Variants in ZNF133 observed in about 807,000 individuals in gnomAD.
ZNF133 encodes zinc finger protein 133 (clone pHZ-13).
In ZNF133, 26 loss-of-function variants were observed where a neutral mutation model predicts 54.9. That is an observed-to-expected ratio of 0.47 (90% CI 0.35 to 0.66). ZNF133 has a LOEUF of 0.66. Ranked by LOEUF, ZNF133 falls within the 30% of genes least tolerant of loss-of-function variation. ZNF133 has a pLI of 0.01. For missense variants in ZNF133, 653 were observed against 820.8 expected, an observed-to-expected ratio of 0.80 and a Z score of 2.50; for synonymous variants, 298 against 320.3, an observed-to-expected ratio of 0.93 and a Z score of 0.74.
At position 18,315,243 on chromosome 20, in the gene ZNF133, A is replaced by T; in HGVS notation, c.392A>T (p.Gln131Leu). ...DPGPGDQEKQ[Q>L]QASEGRPWSD... ...GGCCCAGGGGACCAGGAGAAGCAGC[A>T]ACAAGCCTCTGAGGGGAGACCCTGG... The change falls in exon 7 of 7, where the codon CAA becomes CTA. Residue 131 changes from glutamine (Q) to leucine (L), a missense_variant. Gln to Leu is a moderately radical substitution (Grantham distance 113). This residue lies in a region of ZNF133 where 227 missense variants were observed against 233.9 expected (regional missense o/e 0.97). Transcript: ENST00000425686. 1 of 1,614,092 alleles carries T rather than the reference A, an allele frequency of 6.2e-7. No individual in the cohort carries two copies. The highest frequency in any genetic ancestry group is 8.5e-7 in the Non-Finnish European group (1 of 1,179,988).
At position 18,305,560 on chromosome 20, in the gene ZNF133, C is replaced by G; in HGVS notation, c.-6-121C>G. 5.6e-6 allele frequency: 8 copies of G among 1,423,978 alleles called. No homozygotes were observed. Among genetic ancestry groups the G allele is most frequent in the Non-Finnish European group, 7.7e-6 (8 of 1,033,326 alleles). The allele number at this position is 1,423,978 out of a possible 1,614,324, so 88.2% of individuals were successfully genotyped here. A position where few individuals can be genotyped will look rare whatever the true frequency, so the allele number is the denominator to read the frequency against. The stretch of plus-strand genomic sequence containing the variant: ...TTTAAAAGTCTTGGAACACATGGCA[C>G]CAGGGTCACTGGGATCTTGATATCT... On this transcript the variant is annotated intron_variant, in intron 4 of 6. Transcript: ENST00000425686. This position sits in a 1 kb window ranked among gnomAD's most constrained non-coding sequence, Gnocchi z 4.7.
intron 6 of ZNF133, chr20:18,310,059 G>A: frequency 9.2e-7 from 1 of 1,083,936 alleles, no homozygotes; most frequent in Non-Finnish European, 1.2e-6. Flanking sequence ...AACCTGAAAA[G>A]TATAGAATTA....
chr20:18,293,454 A>G (rs2146903812), intron 1 of ZNF133, among the ~76,000 whole-genome samples: 1 of 152,366 alleles, frequency 6.6e-6, no homozygotes, highest in Non-Finnish European at 1.5e-5. Context: ...GTGGTACGTT[A>G]GAGCTCCCAA....
At chr20:18,291,956 A>G (rs1249485325) in intron 1 of ZNF133, among the ~76,000 whole-genome samples, 1 of 152,204 alleles carries the variant, frequency 6.6e-6, no homozygotes, top group Non-Finnish European at 1.5e-5. Context: ...CCCCAGTGGT[A>G]TATAGACCAT....
At chr20:18,313,893 G>A (rs1376265946) in intron 6 of ZNF133, 1 of 152,348 alleles carries the variant, frequency 6.6e-6, no homozygotes, top group African/African-American at 2.4e-5. Flanking sequence ...CGTGGGGAGA[G>A]GCAGGCATCA....
At position 18,316,414 on chromosome 20, in the gene ZNF133, G is replaced by A. The variant is rs146429194; in HGVS notation, c.1563G>A (p.Pro521=). The part of the protein sequence containing the change: ...AHQRTHSGER[P]YVCRECGRGF... ...AGAGGACGCACTCAGGGGAGAGGCC[G>A]TATGTGTGCCGAGAGTGCGGGCGAG... The change falls in exon 7 of 7, where the codon CCG becomes CCA. Residue 521 remains proline, a synonymous_variant. Transcript: ENST00000425686. The A allele has an allele frequency of 1.4e-4, 231 of 1,613,142 alleles. 2 individuals carry two copies. The South Asian group carries it at 2.1e-3, about 15-fold the overall frequency.
rs2042674731 is a variant in ZNF133, at chr20:18,298,466, T to TAAGTCAC, written c.-178+4_-178+10dup. ...CCCAGGGGGAAGGAAGCATGGAGGG[T>TAAGTCAC]AAGTCACAGCTAATTTTAGCTCTTA... On this transcript the variant is annotated splice_region_variant and intron_variant, in intron 3 of 6. Coordinates refer to ENST00000425686, the MANE Select transcript of ZNF133 (RefSeq NM_001352452.2). The TAAGTCAC allele has an allele frequency of 5.7e-6, 2 of 353,190 alleles. No individual in the cohort carries two copies. The highest frequency in any genetic ancestry group is 4.4e-5 in the African/African-American group (2 of 45,316). 21.9% of individuals were successfully genotyped at this position (353,190 alleles called of 1,614,324 possible). A position where few individuals can be genotyped will look rare whatever the true frequency, so the allele number is the denominator to read the frequency against.
chr20:18,306,968 A>G (rs544314833), intron 6 of ZNF133, among the ~76,000 whole-genome samples: 66 of 152,332 alleles, frequency 4.3e-4, no homozygotes, highest in African/African-American at 1.5e-3. Flanking sequence ...AGTACAATAC[A>G]TAGCCTTAAC....
chr20:18,310,758 G>A (rs55896321), intron 6 of ZNF133, among the ~76,000 whole-genome samples: 52,220 of 151,918 alleles, frequency 0.34, 10,748 homozygotes, highest in African/African-American at 0.57. Context: ...TAGATTTTGG[G>A]TGTTCTCATC....
At chr20:18,299,336 T>C (rs1040197859) in intron 3 of ZNF133, among the ~76,000 whole-genome samples, 1 of 152,106 alleles carries the variant, frequency 6.6e-6, no homozygotes, top group African/African-American at 2.4e-5. Context: ...GATTCAGAAG[T>C]AGATTTGAGC....
In ZNF133 at chr20:18,316,726, G is replaced by A. The variant is rs2047600855; in HGVS notation, c.1875G>A (p.Arg625=). The A allele has an allele frequency of 1.2e-6, 2 of 1,614,116 alleles. No homozygotes were observed. Among genetic ancestry groups the A allele is most frequent in the Non-Finnish European group, 1.7e-6 (2 of 1,179,952 alleles). ...FSLKSHLSRH[R]KTTSVHHRLP... is the part of the protein sequence containing the mutation. ...TCAAGTCTCACCTCAGCAGACACAG[G>A]AAGACCACGTCTGTCCACCACAGAC... Residue 625 remains arginine (R), a synonymous_variant, in exon 7 of 7, where the codon AGG becomes AGA. Transcript: ENST00000425686.
chr20:18,300,166 A>G (rs2043078356), intron 3 of ZNF133, among the ~76,000 whole-genome samples: 1 of 152,210 alleles, frequency 6.6e-6, no homozygotes, highest in African/African-American at 2.4e-5. Context: ...CAGTGCATAA[A>G]GATGTAATTT....
At chr20:18,307,971 T>A (rs1312874403) in intron 6 of ZNF133, among the ~76,000 whole-genome samples, 3 of 152,108 alleles carry the variant, frequency 2.0e-5, no homozygotes, top group Admixed American at 2.0e-4. Context: ...GGATTTTGTA[T>A]ACTATGCAGT....
chr20:18,310,728 T>G (rs2045707162), intron 6 of ZNF133, among the ~76,000 whole-genome samples: 1 of 152,158 alleles, frequency 6.6e-6, no homozygotes, highest in African/African-American at 2.4e-5. Context: ...ATATATTGTA[T>G]TCTTGAAAAT....
chr20:18,309,619 G>A (rs1366367353), intron 6 of ZNF133, among the ~76,000 whole-genome samples: 1 of 152,242 alleles, frequency 6.6e-6, no homozygotes, highest in Non-Finnish European at 1.5e-5. Flanking sequence ...GTCTTAGCCA[G>A]AGGCTCAGCC....
intron 1 of ZNF133, among the ~76,000 whole-genome samples, chr20:18,293,130 G>A (rs1357324158): frequency 3.3e-5 from 5 of 152,204 alleles, no homozygotes; most frequent in Non-Finnish European, 4.4e-5. Flanking sequence ...GTTATTGACT[G>A]CTACACAACA....
rs1473786626 is a variant in ZNF133, at chr20:18,316,361, A to G, written c.1510A>G (p.Ser504Gly). Residue 504 changes from serine to glycine, a missense_variant, in exon 7 of 7, where the codon AGC becomes GGC. Transcript: ENST00000425686. ...GTGTGGGGAGTGCGGGCGAGGCTTCAGCCAGAAGTCAAACCTTGTTGCACA... is the reference window on the plus strand; with the variant it reads ...GTGTGGGGAGTGCGGGCGAGGCTTCGGCCAGAAGTCAAACCTTGTTGCACA... The part of the protein sequence containing the change: ...MVCGECGRGF[S>G]QKSNLVAHQR... The G allele has an allele frequency of 6.2e-7, 1 of 1,613,986 alleles. No homozygotes were observed. The highest frequency in any genetic ancestry group is 8.5e-7 in the Non-Finnish European group (1 of 1,179,994).
intron 6 of ZNF133, among the ~76,000 whole-genome samples, chr20:18,311,420 T>C (rs1181119587): frequency 6.6e-5 from 10 of 152,238 alleles, no homozygotes. Flanking sequence ...AAATTAGTTA[T>C]TTTTCATATG....
At chr20:18,311,667 GT>G (rs921053579) in intron 6 of ZNF133, among the ~76,000 whole-genome samples, 1 of 152,058 alleles carries the variant, frequency 6.6e-6, no homozygotes, top group Admixed American at 6.6e-5. Flanking sequence ...ACTTTGTATA[GT>G]TTTGTTTTTG....
Sources: gnomAD v4.1 joint callset for allele counts (sites outside exome capture counted in the v4.1 genomes callset) on GRCh38, gnomAD v4.1.1 for gene constraint, gnomAD v4.1.1 regional missense constraint, Gnocchi (gnomAD v3.1) non-coding constraint, MANE v1.5 for transcripts, NCBI Gene and HGNC (gene_info 2026-07-23, HGNC 2026-07-21) for gene names.